The following TOGARAM1 variants were observed in gnomAD, a reference collection of about 807,000 sequenced individuals.
TOGARAM1 encodes TOG array regulator of axonemal microtubules 1, also known as TOG array regulator of axonemal microtubules protein 1.
Under a neutral mutation model 166.6 loss-of-function variants are expected in TOGARAM1, and 100 were observed. The observed-to-expected ratio is 0.60, with a 90% CI of 0.51 to 0.71. The LOEUF is 0.71. TOGARAM1 is among the 30% of genes least tolerant of loss of function. The probability of loss-of-function intolerance (pLI) is 0.00; values close to 1 mark genes in which losing one functional copy is unlikely to be tolerated. For synonymous variants in TOGARAM1, 758 were observed against 763.8 expected (o/e 0.99, Z 0.13); for missense variants, 2,029 against 2,102.7 (o/e 0.96, Z 0.69).
intron 7 of TOGARAM1, among the ~76,000 whole-genome samples, chr14:45,020,180 A>G (rs937284486): frequency 2.0e-4 from 30 of 152,324 alleles, no homozygotes; most frequent in African/African-American, 7.0e-4. Flanking sequence ...CTGGCTGAGG[A>G]GGCCCCAGGG....
chr14:45,053,560 A>G (rs1270916065), intron 15 of TOGARAM1, among the ~76,000 whole-genome samples: 2 of 152,180 alleles, frequency 1.3e-5, no homozygotes, highest in African/African-American at 2.4e-5. Context: ...AAGGAATAAT[A>G]TTACAAAAAT....
At chr14:44,987,125 G>C (rs1307771005) in intron 1 of TOGARAM1, among the ~76,000 whole-genome samples, 2 of 151,586 alleles carry the variant, frequency 1.3e-5, no homozygotes, top group Non-Finnish European at 2.9e-5. Context: ...TGTATTTTTA[G>C]TAGAGACGGG....
chr14:45,005,350 G>C (rs1001517407), intron 4 of TOGARAM1, among the ~76,000 whole-genome samples: 1 of 152,152 alleles, frequency 6.6e-6, no homozygotes, highest in Non-Finnish European at 1.5e-5. Flanking sequence ...ACTGAGCGTA[G>C]TGGGTCATGC....
At chr14:44,989,133 A>C (rs1887002081) in intron 1 of TOGARAM1, among the ~76,000 whole-genome samples, 3 of 152,356 alleles carry the variant, frequency 2.0e-5, no homozygotes, top group South Asian at 4.1e-4. Flanking sequence ...TGTAATTCCC[A>C]AAAATTTGAT....
At chr14:45,062,616 A>G (rs894724279) in intron 16 of TOGARAM1, among the ~76,000 whole-genome samples, 2 of 152,174 alleles carry the variant, frequency 1.3e-5, no homozygotes, top group Non-Finnish European at 2.9e-5. Flanking sequence ...AGCAGTATGC[A>G]TTTAGTACAG....
chr14:44,999,042 T>A (rs757945403), intron 2 of TOGARAM1, among the ~76,000 whole-genome samples: 1 of 152,216 alleles, frequency 6.6e-6, no homozygotes, highest in Non-Finnish European at 1.5e-5. Flanking sequence ...CTACAAATAC[T>A]GGGAAGAAAG....
At chr14:45,032,186 G>C (rs768835356) in intron 10 of TOGARAM1, 37 bp from the exon 11 acceptor site, 8 of 1,567,800 alleles carry the variant, frequency 5.1e-6, no homozygotes, top group Admixed American at 4.1e-5. Flanking sequence ...TTTTTAAAAA[G>C]GTTCTCTCAT....
At chr14:45,032,591 A>G (rs1006781195) in intron 11 of TOGARAM1, among the ~76,000 whole-genome samples, 5 of 152,238 alleles carry the variant, frequency 3.3e-5, no homozygotes, top group African/African-American at 1.2e-4. Context: ...CATGCCATAA[A>G]CATATAATTT....
intron 3 of TOGARAM1, among the ~76,000 whole-genome samples, chr14:45,003,163 T>C (rs941357983): frequency 6.6e-6 from 1 of 152,104 alleles, no homozygotes; most frequent in East Asian, 1.9e-4. Flanking sequence ...TTGGTATAAG[T>C]AGAGATTTTA....
intron 7 of TOGARAM1, among the ~76,000 whole-genome samples, chr14:45,016,318 C>T (rs1407716380): frequency 6.6e-6 from 1 of 152,142 alleles, no homozygotes; most frequent in East Asian, 1.9e-4. Flanking sequence ...ATTGCTTGAG[C>T]CTGAGAGGCA....
intron 19 of TOGARAM1, among the ~76,000 whole-genome samples, chr14:45,072,743 A>T (rs555642468): frequency 6.6e-6 from 1 of 152,270 alleles, no homozygotes; most frequent in East Asian, 1.9e-4. Flanking sequence ...GGAACTTCTA[A>T]GCAAACATAA....
intron 1 of TOGARAM1, among the ~76,000 whole-genome samples, chr14:44,987,907 A>G (rs1328069484): frequency 1.3e-5 from 2 of 151,502 alleles, no homozygotes; most frequent in Non-Finnish European, 2.9e-5. Flanking sequence ...CATATACACC[A>G]TGGAATACTA....
intron 3 of TOGARAM1, 57 bp downstream of exon 3, chr14:44,999,554 C>T: frequency 7.1e-7 from 1 of 1,405,196 alleles, no homozygotes; most frequent in South Asian, 1.6e-5. Context: ...TGTGGGGATT[C>T]CAACACTAAC....
At chr14:45,057,603 C>T (rs76139987) in intron 16 of TOGARAM1, among the ~76,000 whole-genome samples, 3,371 of 152,190 alleles carry the variant, frequency 0.022, 71 homozygotes, top group Non-Finnish European at 0.033. Flanking sequence ...AAATTTCCCT[C>T]TTAACACTGC....
intron 1 of TOGARAM1, among the ~76,000 whole-genome samples, chr14:44,964,971 AAAGG>A (rs1885441791): frequency 6.6e-6 from 1 of 150,542 alleles, no homozygotes; most frequent in African/African-American, 2.4e-5. Flanking sequence ...AAAAAAAAAA[AAAGG>A]AAAAAGAAAA....
At chr14:44,994,822 G>A (rs566706772) in intron 1 of TOGARAM1, among the ~76,000 whole-genome samples, 32 of 152,234 alleles carry the variant, frequency 2.1e-4, no homozygotes, top group South Asian at 1.5e-3. Flanking sequence ...GTGTACCTGA[G>A]GCATAATAGA....
chr14:45,011,892 TAAG>T (rs1306240994), intron 6 of TOGARAM1, 80 bp from the exon 7 acceptor site: 8 of 930,860 alleles, frequency 8.6e-6, no homozygotes, highest in African/African-American at 1.7e-5. Flanking sequence ...TGTGAGTTAA[TAAG>T]GAGAATAGAC....
At chr14:45,019,269 C>T (rs2138882180) in intron 7 of TOGARAM1, among the ~76,000 whole-genome samples, 1 of 152,226 alleles carries the variant, frequency 6.6e-6, no homozygotes, top group South Asian at 2.1e-4. Context: ...GTAATTTGGG[C>T]CCTCTTTACC....
intron 1 of TOGARAM1, among the ~76,000 whole-genome samples, chr14:44,977,011 G>A (rs930640944): frequency 6.6e-6 from 1 of 152,094 alleles, no homozygotes; most frequent in Non-Finnish European, 1.5e-5. Flanking sequence ...AGAACATTAA[G>A]TATACAATTA....
Sources: allele counts gnomAD v4.1 joint callset (sites outside exome capture counted in the v4.1 genomes callset), GRCh38; gene constraint gnomAD v4.1.1; transcripts MANE v1.5; gene names NCBI Gene and HGNC (gene_info 2026-07-23, HGNC 2026-07-21).